Variants in RNF220 observed in about 807,000 individuals in gnomAD.
RNF220 encodes the protein E3 ubiquitin-protein ligase RNF220.
RNF220 carries 7 observed loss-of-function variants against 67.1 expected under a neutral mutation model. That is an observed-to-expected ratio of 0.10 (90% CI 0.06 to 0.20). The LOEUF is 0.20. Among genes scored for constraint, RNF220 ranks in the 10% least tolerant of loss-of-function variants. RNF220 has a pLI of 1.00. For synonymous variants in RNF220, 270 were observed against 283.2 expected (o/e 0.95, Z 0.47); for missense variants, 565 against 740.3 (o/e 0.76, Z 2.75).
intron 5 of RNF220, 43 bp downstream of exon 5, chr1:44,626,441 G>T (rs542770470): frequency 7.3e-6 from 11 of 1,499,882 alleles, no homozygotes; most frequent in African/African-American, 6.9e-5. Context: ...AAGCTCACCT[G>T]GGGGAGGGCT....
At chr1:44,538,211 C>G (rs1293475544) in intron 2 of RNF220, among the ~76,000 whole-genome samples, 1 of 152,166 alleles carries the variant, frequency 6.6e-6, no homozygotes, top group African/African-American at 2.4e-5. Flanking sequence ...TTTTCAAACT[C>G]TCATCAATAT....
intron 2 of RNF220, among the ~76,000 whole-genome samples, chr1:44,472,104 T>C (rs1385223981): frequency 6.6e-6 from 1 of 152,244 alleles, no homozygotes; most frequent in Non-Finnish European, 1.5e-5. Context: ...CCATATTTGG[T>C]TTAGCCATTC....
intron 2 of RNF220, among the ~76,000 whole-genome samples, chr1:44,497,193 G>A (rs181717797): frequency 1.2e-3 from 175 of 152,144 alleles, no homozygotes; most frequent in African/African-American, 4.0e-3. Context: ...TAGAGGTCCC[G>A]TTAAAACAAT....
intron 2 of RNF220, among the ~76,000 whole-genome samples, chr1:44,512,485 A>G (rs879852149): frequency 3.3e-5 from 5 of 152,174 alleles, no homozygotes; most frequent in Admixed American, 6.5e-5. Context: ...GGTGGTTTCA[A>G]AAAGAATGGG....
intron 2 of RNF220, among the ~76,000 whole-genome samples, chr1:44,570,949 G>A (rs1440954613): frequency 6.6e-6 from 1 of 151,892 alleles, no homozygotes; most frequent in Non-Finnish European, 1.5e-5. Context: ...TGGTGCGCAC[G>A]TGTAATCCTA....
At chr1:44,637,450 G>T (rs980419393) in intron 8 of RNF220, among the ~76,000 whole-genome samples, 3 of 152,220 alleles carry the variant, frequency 2.0e-5, no homozygotes, top group Non-Finnish European at 4.4e-5. Context: ...ACTGTCCCAT[G>T]AGTTGGACAC....
At chr1:44,610,353 C>G (rs773542825) in intron 2 of RNF220, among the ~76,000 whole-genome samples, 5 of 152,234 alleles carry the variant, frequency 3.3e-5, no homozygotes, top group Non-Finnish European at 5.9e-5. Context: ...CCGCCATCCT[C>G]TGCCGATAAC....
At chr1:44,406,971 AG>A (rs1324994203) in intron 1 of RNF220, among the ~76,000 whole-genome samples, 2 of 152,174 alleles carry the variant, frequency 1.3e-5, no homozygotes, top group Non-Finnish European at 2.9e-5. Context: ...GCCAGGAGGC[AG>A]GGGGAAAGCT....
intron 2 of RNF220, among the ~76,000 whole-genome samples, chr1:44,603,586 TTCATC>T (rs1667079127): frequency 6.6e-6 from 1 of 152,130 alleles, no homozygotes; most frequent in African/African-American, 2.4e-5. Context: ...AAATGACAAA[TTCATC>T]TTGGACGACA....
intron 5 of RNF220, among the ~76,000 whole-genome samples, chr1:44,628,660 A>G (rs891043117): frequency 2.6e-5 from 4 of 152,258 alleles, no homozygotes; most frequent in Non-Finnish European, 5.9e-5. Flanking sequence ...AATACTGTCC[A>G]TGAATCCTAT....
chr1:44,493,996 C>T (rs7549168), intron 2 of RNF220, among the ~76,000 whole-genome samples: 54,029 of 151,894 alleles, frequency 0.36, 10,932 homozygotes, highest in Non-Finnish European at 0.45. Context: ...GACTTCAGGT[C>T]AGGAGTTCGA....
intron 2 of RNF220, among the ~76,000 whole-genome samples, chr1:44,439,040 A>G (rs556728001): frequency 5.3e-5 from 8 of 152,204 alleles, no homozygotes; most frequent in Non-Finnish European, 1.2e-4. Flanking sequence ...CAGCTTTTCA[A>G]TATTAGAAAC....
chr1:44,483,386 G>A (rs1308057660), intron 2 of RNF220, among the ~76,000 whole-genome samples: 1 of 152,178 alleles, frequency 6.6e-6, no homozygotes, highest in Non-Finnish European at 1.5e-5. Context: ...GAAGAACTAT[G>A]TCCAGGCTCA....
chr1:44,498,392 C>A (rs781496882), intron 2 of RNF220, among the ~76,000 whole-genome samples: 1 of 152,112 alleles, frequency 6.6e-6, no homozygotes, highest in Non-Finnish European at 1.5e-5. Context: ...TCCCTGACTC[C>A]CAGGAAGCCT....
In RNF220 at chr1:44,647,486, C is replaced by G. The variant is rs1295548544; in HGVS notation, c.1445+1998C>G. Among the ~76,000 whole-genome samples, 3 of 150,650 alleles carry G rather than the reference C, an allele frequency of 2.0e-5. No individual in the cohort carries two copies. The East Asian group carries it at 5.8e-4, about 29-fold the overall frequency. On this transcript the variant is annotated intron_variant, in intron 12 of 14. Transcript: ENST00000361799. ...AGAGCCAGAGAGCTAAATGGAAGCC[C>G]CCAGGGAATCAGCCAGTACCAGGAG...
chr1:44,492,309 C>CTCCCGGGGGGGTGTAAAATAGTG (rs942414279), intron 2 of RNF220, among the ~76,000 whole-genome samples: 1 of 152,164 alleles, frequency 6.6e-6, no homozygotes, highest in African/African-American at 2.4e-5. Flanking sequence ...GAACCATATG[C>CTCCCGGGGGGGTGTAAAATAGTG]TCCCGGGGGG....
chr1:44,636,166 C>G lies in RNF220; in HGVS notation c.1126+4C>G, dbSNP rs1644321878. ...CTCCTGGAAGGTGGCTTCCGAGGTA[C>G]AAGCAGCTGACACGTAGACATTGGC... On this transcript the variant is annotated splice_donor_region_variant and intron_variant, in intron 8 of 14. Transcript: ENST00000361799. The G allele has an allele frequency of 2.1e-5, 34 of 1,597,392 alleles. No individual in the cohort carries two copies. Among genetic ancestry groups the G allele is most frequent in the Non-Finnish European group, 2.8e-5 (33 of 1,168,502 alleles).
At chr1:44,504,372 G>T (rs186460982) in intron 2 of RNF220, among the ~76,000 whole-genome samples, 354 of 152,298 alleles carry the variant, frequency 2.3e-3, no homozygotes, top group African/African-American at 7.7e-3. Context: ...GAATGGCTGG[G>T]ACACGGACAC....
At chr1:44,413,544 C>T (rs944743635) in intron 2 of RNF220, among the ~76,000 whole-genome samples, 5 of 152,140 alleles carry the variant, frequency 3.3e-5, no homozygotes, top group African/African-American at 1.2e-4. Context: ...AGTGCTGAAC[C>T]CTGCAATCTT....
Sources: allele counts gnomAD v4.1 joint callset (sites outside exome capture counted in the v4.1 genomes callset), GRCh38; gene constraint gnomAD v4.1.1; transcripts MANE v1.5; gene names NCBI Gene and HGNC (gene_info 2026-07-23, HGNC 2026-07-21).